Variants in GBF1 observed in about 807,000 individuals in gnomAD.
GBF1 encodes the protein Golgi-specific brefeldin A-resistance guanine nucleotide exchange factor 1.
In GBF1, 114 loss-of-function variants were observed where a neutral mutation model predicts 210.5. The observed-to-expected ratio is 0.54, with a 90% CI of 0.47 to 0.63. The LOEUF is 0.63. Ranked by LOEUF, GBF1 falls within the 30% of genes least tolerant of loss-of-function variation. The pLI, the probability that GBF1 is intolerant of heterozygous loss-of-function variation, is 0.00. For synonymous variants in GBF1, 850 were observed against 889.2 expected (o/e 0.96, Z 0.78); for missense variants, 1,851 against 2,357.7 (o/e 0.79, Z 4.45).
intron 14 of GBF1, 92 bp from the exon 15 acceptor site, chr10:102,362,383 C>A: frequency 1.1e-6 from 1 of 930,444 alleles, no homozygotes; most frequent in Admixed American, 2.1e-5. Flanking sequence ...GGGCAATGTA[C>A]AAGTTAGAAG....
chr10:102,359,361 A>C lies in GBF1; in HGVS notation c.1106A>C (p.Asp369Ala), dbSNP rs1488105618. ...EECTSPADHS[D>A]SASVHDMDYV... ...TGCACGTCCCCTGCCGACCACTCTG[A>C]CTCTGCCTCTGTCCATGACATGGAT... Residue 369 changes from aspartate (D) to alanine (A), a missense_variant, in exon 11 of 40, where the codon GAC (aspartate) becomes GCC (alanine). Transcript: ENST00000369983. 6.2e-7 allele frequency: 1 copy of C among 1,612,754 alleles called. No individual in the cohort carries two copies. Among genetic ancestry groups the C allele is most frequent in the Non-Finnish European group, 8.5e-7 (1 of 1,179,118 alleles).
chr10:102,344,627 C>T (rs564607764), intron 4 of GBF1, among the ~76,000 whole-genome samples: 1 of 151,782 alleles, frequency 6.6e-6, no homozygotes, highest in South Asian at 2.1e-4. Context: ...ACTACAGGCG[C>T]CCACCACCAC....
intron 3 of GBF1, among the ~76,000 whole-genome samples, chr10:102,336,666 C>A (rs1441963150): frequency 6.6e-6 from 1 of 152,144 alleles, no homozygotes; most frequent in East Asian, 1.9e-4. Context: ...GGATTTGAAT[C>A]GTCCACGAAA....
chr10:102,300,678 G>T lies in GBF1; in HGVS notation c.163+40562G>T, dbSNP rs78385669. Among the ~76,000 whole-genome samples the T allele has an allele frequency of 7.3e-3, 1,105 of 152,296 alleles. 17 individuals are homozygous for T. Among genetic ancestry groups the T allele is most frequent in the South Asian group, 0.013 (63 of 4,832 alleles). On this transcript the variant is annotated intron_variant, in intron 3 of 39. Transcript: ENST00000369983. The stretch of plus-strand genomic sequence containing the variant: ...GGGAATGTTTGTGGTTCCTGGTACA[G>T]GGCATTGGTTTAGCAGTGACTTAAC...
intron 3 of GBF1, among the ~76,000 whole-genome samples, chr10:102,272,228 C>A (rs1336939691): frequency 6.6e-6 from 1 of 152,130 alleles, no homozygotes; most frequent in Non-Finnish European, 1.5e-5. Flanking sequence ...CCTCAGCCTC[C>A]CCAGTAGCTG....
chr10:102,346,837 C>G (rs1419395726), intron 4 of GBF1, among the ~76,000 whole-genome samples: 1 of 152,106 alleles, frequency 6.6e-6, no homozygotes, highest in Non-Finnish European at 1.5e-5. Context: ...GGAGGCTGAA[C>G]ATTTGAATTT....
rs2060913579 is a variant in GBF1, at chr10:102,382,432, G to A, written c.*96G>A. On this transcript the variant is annotated 3_prime_UTR_variant, in exon 40 of 40. Transcript: ENST00000369983. ...GCGGGCCACAAGCTCTTCAGGCCAA[G>A]TCAGAGCTGCTGTTGCTGCCACTTG... is the stretch of plus-strand genomic sequence containing the variant. 9.1e-7 allele frequency: 1 copy of A among 1,102,644 alleles called. No homozygotes were observed. Among genetic ancestry groups the A allele is most frequent in the Admixed American group, 2.4e-5 (1 of 41,328 alleles). 68.3% of individuals were successfully genotyped at this position (1,102,644 alleles called of 1,614,324 possible). A position where few individuals can be genotyped will look rare whatever the true frequency, so the allele number is the denominator to read the frequency against.
At chr10:102,332,263 A>G (rs1248653858) in intron 3 of GBF1, among the ~76,000 whole-genome samples, 1 of 152,202 alleles carries the variant, frequency 6.6e-6, no homozygotes, top group Non-Finnish European at 1.5e-5. Context: ...GACAAGGGAA[A>G]AAGTTTGTAG....
At chr10:102,319,560 A>G (rs2056188698) in intron 3 of GBF1, among the ~76,000 whole-genome samples, 1 of 151,936 alleles carries the variant, frequency 6.6e-6, no homozygotes, top group Non-Finnish European at 1.5e-5. Context: ...ATCTCTTCCT[A>G]GAAACTCCTT....
At chr10:102,242,259 C>T (rs200031148), upstream of GBF1, among the ~76,000 whole-genome samples, 39 of 152,352 alleles carry the variant, frequency 2.6e-4, no homozygotes, top group East Asian at 7.3e-3. Context: ...ACTGCACCAT[C>T]ACTGAGTGAA....
chr10:102,347,667 G>A (rs2058668009), intron 4 of GBF1, among the ~76,000 whole-genome samples: 1 of 152,206 alleles, frequency 6.6e-6, no homozygotes, highest in African/African-American at 2.4e-5. Context: ...GGGATTGGCA[G>A]ATTTCCCTGA....
At chr10:102,335,785 A>G (rs1280201575) in intron 3 of GBF1, among the ~76,000 whole-genome samples, 2 of 152,204 alleles carry the variant, frequency 1.3e-5, no homozygotes, top group South Asian at 4.1e-4. Context: ...CAGGTAATAA[A>G]TGTTAATGAG....
chr10:102,336,296 T>C (rs2134412821), intron 3 of GBF1, among the ~76,000 whole-genome samples: 1 of 128,154 alleles, frequency 7.8e-6, no homozygotes. Flanking sequence ...CGAGACTTTG[T>C]CTCAAAAAAA....
intron 8 of GBF1, among the ~76,000 whole-genome samples, chr10:102,357,033 G>A (rs1042122991): frequency 1.3e-5 from 2 of 152,134 alleles, no homozygotes; most frequent in Non-Finnish European, 2.9e-5. Flanking sequence ...CAGAGGGACA[G>A]GTAGTCTCAT....
At chr10:102,370,987 C>A in intron 29 of GBF1, 127 bp downstream of exon 29, 1 of 900,978 alleles carries the variant, frequency 1.1e-6, no homozygotes, top group Non-Finnish European at 1.7e-6. Context: ...AGTGACCAAC[C>A]ACAGGGCTGG....
the GBF1 span, chr10:102,231,867 A>G: frequency 6.4e-6 from 10 of 1,570,290 alleles, no homozygotes; most frequent in South Asian, 1.1e-5. Flanking sequence ...CTCCTAAGCC[A>G]CTCGCTGGCT....
At position 102,380,676 on chromosome 10, in the gene GBF1, C is replaced by A; in HGVS notation, c.5163C>A (p.Thr1721=). The A allele has an allele frequency of 6.2e-7, 1 of 1,609,184 alleles. No individual in the cohort carries two copies. The highest frequency in any genetic ancestry group is 8.5e-7 in the Non-Finnish European group (1 of 1,177,118). ...PHLRDELFKQ[T]VIQDPMPMEP... Reference sequence around the variant, plus strand: ...TACGAGATGAACTCTTCAAGCAGACCGTCATCCAGGGTAGGGGGCTCAGCC... The same window carrying A: ...TACGAGATGAACTCTTCAAGCAGACAGTCATCCAGGGTAGGGGGCTCAGCC... Residue 1721 remains threonine, a synonymous_variant, in exon 38 of 40, where the codon ACC becomes ACA. Coordinates refer to ENST00000369983, the MANE Select transcript of GBF1 (RefSeq NM_001377137.1).
chr10:102,375,427 T>A lies in GBF1; in HGVS notation c.3729T>A (p.Val1243=). 1.9e-6 allele frequency: 3 copies of A among 1,613,958 alleles called. No individual in the cohort carries two copies. The highest frequency in any genetic ancestry group is 2.5e-6 in the Non-Finnish European group (3 of 1,179,856). The change falls in exon 30 of 40, where the codon GTT becomes GTA. Residue 1243 remains valine (V), a synonymous_variant. Coordinates refer to ENST00000369983, the MANE Select transcript of GBF1 (RefSeq NM_001377137.1). ...PSVLSRVSHQ[V]AYGLHELLKT... Reference sequence around the variant, plus strand: ...TGCTATCCCGAGTCAGCCACCAGGTTGCGTATGGGCTCCATGAACTCCTGA... The same window carrying A: ...TGCTATCCCGAGTCAGCCACCAGGTAGCGTATGGGCTCCATGAACTCCTGA...
At chr10:102,296,635 A>G (rs2076931029) in intron 3 of GBF1, among the ~76,000 whole-genome samples, 1 of 152,028 alleles carries the variant, frequency 6.6e-6, no homozygotes, top group African/African-American at 2.4e-5. Context: ...CCAGCTACTC[A>G]GGAGACTGAG....
Sources: allele counts gnomAD v4.1 joint callset (sites outside exome capture counted in the v4.1 genomes callset), GRCh38; gene constraint gnomAD v4.1.1; transcripts MANE v1.5; gene names NCBI Gene and HGNC (gene_info 2026-07-23, HGNC 2026-07-21).